The following KIAA0825 variants were observed in gnomAD, a reference collection of about 807,000 sequenced individuals.
KIAA0825 encodes KIAA0825, also known as uncharacterized protein KIAA0825.
A neutral mutation model predicts 147.6 loss-of-function variants in KIAA0825; 119 were observed. The observed-to-expected ratio is 0.81, with a 90% CI of 0.69 to 0.94. The LOEUF is 0.94. KIAA0825 is among the 40% of genes least tolerant of loss of function. The probability of loss-of-function intolerance (pLI) is 0.00; values close to 1 mark genes in which losing one functional copy is unlikely to be tolerated. For missense variants in KIAA0825, 1,381 were observed against 1,472.7 expected (o/e 0.94, Z 1.02); for synonymous variants, 470 against 518.1 (o/e 0.91, Z 1.26).
At chr5:94,438,723 C>G (rs1041803647) in intron 14 of KIAA0825, among the ~76,000 whole-genome samples, 1 of 152,160 alleles carries the variant, frequency 6.6e-6, no homozygotes, top group Non-Finnish European at 1.5e-5. Context: ...ATATGGGGAA[C>G]TGGTCCTGAG....
chr5:94,245,903 TTCTC>T (rs201301716), intron 20 of KIAA0825, among the ~76,000 whole-genome samples: 6,121 of 152,154 alleles, frequency 0.04, 195 homozygotes, highest in East Asian at 0.12. Flanking sequence ...AGAAGGCTGT[TTCTC>T]AACAGCCTGA....
At chr5:94,593,787 GT>G in intron 1 of KIAA0825, 1 of 336,962 alleles carries the variant, frequency 3.0e-6, no homozygotes, top group South Asian at 2.7e-5. Context: ...AAAGTAGGGA[GT>G]TTTTTTGTGA....
At chr5:94,538,702 T>C (rs1409109327) in intron 2 of KIAA0825, among the ~76,000 whole-genome samples, 2 of 152,224 alleles carry the variant, frequency 1.3e-5, no homozygotes, top group Non-Finnish European at 2.9e-5. Context: ...GGTTGATACA[T>C]ATTGGCAGCT....
At chr5:94,529,261 T>TA (rs1304312584) in intron 3 of KIAA0825, among the ~76,000 whole-genome samples, 13 of 129,550 alleles carry the variant, frequency 1.0e-4, no homozygotes, top group Admixed American at 2.2e-4. Context: ...TATGTATATA[T>TA]CATATATATG....
chr5:94,341,616 G>T (rs75006887), intron 20 of KIAA0825, among the ~76,000 whole-genome samples: 4,245 of 152,220 alleles, frequency 0.028, 166 homozygotes, highest in African/African-American at 0.096. Flanking sequence ...GCATTTTCAT[G>T]CAGCTCTCTT....
intron 15 of KIAA0825, 78 bp from the exon 16 acceptor site, chr5:94,403,871 T>G: frequency 8.3e-7 from 1 of 1,198,392 alleles, no homozygotes; most frequent in Non-Finnish European, 1.2e-6. Context: ...AATTCAGTTT[T>G]GTAATCATCT....
intron 20 of KIAA0825, among the ~76,000 whole-genome samples, chr5:94,361,709 A>G (rs980056424): frequency 1.3e-5 from 2 of 152,206 alleles, no homozygotes; most frequent in African/African-American, 4.8e-5. Flanking sequence ...TCCTAAAATC[A>G]CTGTTAGATT....
At chr5:94,595,898 C>T (rs1785221055) in intron 1 of KIAA0825, among the ~76,000 whole-genome samples, 1 of 152,174 alleles carries the variant, frequency 6.6e-6, no homozygotes, top group Non-Finnish European at 1.5e-5. Context: ...GGGCAAAATG[C>T]CACCAATCTC....
intron 20 of KIAA0825, among the ~76,000 whole-genome samples, chr5:94,205,492 C>T (rs540115071): frequency 1.6e-4 from 24 of 151,734 alleles, no homozygotes; most frequent in South Asian, 8.3e-4. Flanking sequence ...GGGGTTTCAC[C>T]ATGTTAGCCA....
chr5:94,236,067 A>G (rs1160882755), intron 20 of KIAA0825, among the ~76,000 whole-genome samples: 1 of 152,240 alleles, frequency 6.6e-6, no homozygotes, highest in African/African-American at 2.4e-5. Context: ...CCCATGGAAC[A>G]AGGAGTAGTT....
At position 94,153,835 on chromosome 5, in the gene KIAA0825, AT is replaced by A. The variant is rs1326201062; in HGVS notation, c.*171del. 3 of 438,834 alleles carry A rather than the reference AT, an allele frequency of 6.8e-6. No individual in the cohort carries two copies. Among genetic ancestry groups the A allele is most frequent in the Non-Finnish European group, 1.2e-5 (3 of 247,088 alleles). 27.2% of individuals were successfully genotyped at this position (438,834 alleles called of 1,614,324 possible). ...TTGAAATTATTTTTAAAATAAAAAA[AT>A]ATGTAGCACCTTATCCTTTATGTGC... is the stretch of plus-strand genomic sequence containing the variant. On this transcript the variant is annotated 3_prime_UTR_variant, in exon 21 of 21. Transcript: ENST00000682413.
intron 14 of KIAA0825, among the ~76,000 whole-genome samples, chr5:94,439,771 A>G (rs1259012766): frequency 6.6e-6 from 1 of 152,226 alleles, no homozygotes; most frequent in Non-Finnish European, 1.5e-5. Flanking sequence ...ATAAAAATAT[A>G]GTTTTCTCTC....
At chr5:94,205,289 ATATATATATATTTTG>A (rs1194253342) in intron 20 of KIAA0825, among the ~76,000 whole-genome samples, 45 of 141,106 alleles carry the variant, frequency 3.2e-4, no homozygotes, top group African/African-American at 1.2e-3. Flanking sequence ...ATATATATAT[ATATATATATATTTTG>A]TTTTGTTTTG....
chr5:94,412,645 C>T (rs1025478534), intron 15 of KIAA0825, among the ~76,000 whole-genome samples: 1 of 152,082 alleles, frequency 6.6e-6, no homozygotes, highest in Non-Finnish European at 1.5e-5. Context: ...GTGATCCACC[C>T]ACCTCGGCCT....
intron 20 of KIAA0825, among the ~76,000 whole-genome samples, chr5:94,257,335 C>T (rs1332959440): frequency 2.6e-5 from 4 of 152,064 alleles, no homozygotes; most frequent in African/African-American, 9.7e-5. Flanking sequence ...TCACTTCAGA[C>T]ACAGACCATG....
intron 1 of KIAA0825, among the ~76,000 whole-genome samples, chr5:94,588,979 AC>A (rs771469003): frequency 3.9e-5 from 6 of 152,158 alleles, no homozygotes; most frequent in Non-Finnish European, 8.8e-5. Context: ...ATGAGAACAC[AC>A]GGACACAGGG....
chr5:94,612,689 A>G (rs981323501), intron 1 of KIAA0825, among the ~76,000 whole-genome samples: 3 of 152,224 alleles, frequency 2.0e-5, no homozygotes, highest in African/African-American at 7.2e-5. Flanking sequence ...CAAAAGGCCT[A>G]TGAAGACATC....
chr5:94,615,323 T>C (rs1441925601), intron 1 of KIAA0825, among the ~76,000 whole-genome samples: 1 of 152,160 alleles, frequency 6.6e-6, no homozygotes, highest in Non-Finnish European at 1.5e-5. Flanking sequence ...CTATATGTTA[T>C]AGATGAGAAA....
At chr5:94,370,532 G>A (rs1358396954) in intron 20 of KIAA0825, among the ~76,000 whole-genome samples, 1 of 152,262 alleles carries the variant, frequency 6.6e-6, no homozygotes, top group South Asian at 2.1e-4. Context: ...AGTTTGATGG[G>A]AAGGAGAAGA....
Sources: allele counts gnomAD v4.1 joint callset (sites outside exome capture counted in the v4.1 genomes callset), GRCh38; gene constraint gnomAD v4.1.1; transcripts MANE v1.5; gene names NCBI Gene and HGNC (gene_info 2026-07-23, HGNC 2026-07-21).